Variants in FRAS1 observed in about 807,000 individuals in gnomAD.
The protein encoded by FRAS1 is Fraser extracellular matrix complex subunit 1, also known as extracellular matrix organizing protein FRAS1.
Under a neutral mutation model 435.2 loss-of-function variants are expected in FRAS1, and 290 were observed. That is an observed-to-expected ratio of 0.67 (90% CI 0.61 to 0.73). The LOEUF is 0.73. FRAS1 is among the 30% of genes least tolerant of loss of function. The pLI, the probability that FRAS1 is intolerant of heterozygous loss-of-function variation, is 0.00. For synonymous variants in FRAS1, 1,800 were observed against 1,851.0 expected, an observed-to-expected ratio of 0.97 and a Z score of 0.71; for missense variants, 4,860 against 5,001.5, an observed-to-expected ratio of 0.97 and a Z score of 0.85.
At chr4:78,354,242 A>G (rs1337923436) in intron 20 of FRAS1, among the ~76,000 whole-genome samples, 2 of 152,190 alleles carry the variant, frequency 1.3e-5, no homozygotes, top group African/African-American at 2.4e-5. Flanking sequence ...CTGGGTAGAA[A>G]TCACTGCCCT....
intron 25 of FRAS1, among the ~76,000 whole-genome samples, chr4:78,374,600 A>G (rs1731683360): frequency 6.6e-6 from 1 of 152,222 alleles, no homozygotes; most frequent in South Asian, 2.1e-4. Flanking sequence ...TTTAGTGTTT[A>G]GACTAAATGC....
chr4:78,417,922 A>G lies in FRAS1; in HGVS notation c.4426-1027A>G, dbSNP rs184429461. Among the ~76,000 whole-genome samples the G allele has an allele frequency of 2.9e-3, 442 of 152,326 alleles. 1 individual carries two copies. The highest frequency in any genetic ancestry group is 1.0e-2 in the African/African-American group (414 of 41,582). On this transcript the variant is annotated intron_variant, in intron 32 of 73. Coordinates refer to ENST00000512123, the MANE Select transcript of FRAS1 (RefSeq NM_025074.7). ...GCTGGATGTTTTTGTTCTGTTTTAC[A>G]ACAGCATGCCTGACCCAGGCGAGGG...
At chr4:78,098,104 A>C (rs1349086165) in intron 2 of FRAS1, among the ~76,000 whole-genome samples, 2 of 152,168 alleles carry the variant, frequency 1.3e-5, no homozygotes, top group African/African-American at 4.8e-5. Context: ...CAAGGATCAT[A>C]TAGTGTGGAA....
intron 14 of FRAS1, among the ~76,000 whole-genome samples, chr4:78,306,133 G>A (rs1728699248): frequency 6.6e-6 from 1 of 151,990 alleles, no homozygotes; most frequent in Non-Finnish European, 1.5e-5. Flanking sequence ...GGTTAGTTTG[G>A]CTAGATATGA....
At chr4:78,324,684 T>C (rs1201925420) in intron 18 of FRAS1, among the ~76,000 whole-genome samples, 1 of 151,502 alleles carries the variant, frequency 6.6e-6, no homozygotes, top group Non-Finnish European at 1.5e-5. Flanking sequence ...ATTTACTTAC[T>C]TTCTTTTTAT....
At chr4:78,412,881 A>G (rs1357782863) in intron 31 of FRAS1, 88 bp from the exon 32 acceptor site, 1 of 615,574 alleles carries the variant, frequency 1.6e-6, no homozygotes, top group Non-Finnish European at 2.8e-6. Flanking sequence ...ATTCAAAGAC[A>G]GCTGGCTTAA....
chr4:78,431,375 G>C (rs1268632559), intron 37 of FRAS1, among the ~76,000 whole-genome samples: 3 of 152,182 alleles, frequency 2.0e-5, no homozygotes, highest in Non-Finnish European at 4.4e-5. Flanking sequence ...TATATGTGCA[G>C]TTAACATATA....
In FRAS1 at chr4:78,477,877, G is replaced by A; in HGVS notation, c.7914G>A (p.Val2638=). The A allele has an allele frequency of 6.2e-7, 1 of 1,613,512 alleles. No individual in the cohort carries two copies. Among genetic ancestry groups the A allele is most frequent in the Non-Finnish European group, 8.5e-7 (1 of 1,179,718 alleles). Residue 2638 remains valine (V), a synonymous_variant, in exon 55 of 74, where the codon GTG becomes GTA. Coordinates refer to ENST00000512123, the MANE Select transcript of FRAS1 (RefSeq NM_025074.7). The part of the protein sequence containing the change: ...SCTIVINDDD[V]FENVESFTVE... ...CCATTGTCATCAACGATGATGACGT[G>A]TTTGAAAATGTTGAGAGTTTCACTG... is the stretch of plus-strand genomic sequence containing the variant.
chr4:78,500,141 G>A (rs987504985), intron 61 of FRAS1, among the ~76,000 whole-genome samples: 3 of 152,094 alleles, frequency 2.0e-5, no homozygotes, highest in Non-Finnish European at 2.9e-5. Context: ...ACCATGCTGG[G>A]CATTTTGGTT....
intron 20 of FRAS1, among the ~76,000 whole-genome samples, chr4:78,342,107 C>T (rs1361153902): frequency 6.6e-6 from 1 of 152,310 alleles, no homozygotes; most frequent in Non-Finnish European, 1.5e-5. Flanking sequence ...GTAATATCCT[C>T]TCCGTGTCCT....
intron 14 of FRAS1, among the ~76,000 whole-genome samples, chr4:78,299,404 A>T (rs887087310): frequency 2.0e-5 from 3 of 152,222 alleles, no homozygotes; most frequent in African/African-American, 7.2e-5. Flanking sequence ...CTCCTGTGTC[A>T]GACCTTTTGT....
At chr4:78,112,298 A>G (rs78734853) in intron 2 of FRAS1, among the ~76,000 whole-genome samples, 1,799 of 152,302 alleles carry the variant, frequency 0.012, 36 homozygotes, top group South Asian at 0.092. Context: ...CATATTGGGA[A>G]CCTGGCTTTT....
chr4:78,356,912 A>T (rs1730880279), intron 20 of FRAS1, among the ~76,000 whole-genome samples: 1 of 152,124 alleles, frequency 6.6e-6, no homozygotes, highest in African/African-American at 2.4e-5. Flanking sequence ...AGAGAGAGAG[A>T]TTCCCAATTG....
intron 47 of FRAS1, among the ~76,000 whole-genome samples, chr4:78,457,999 C>T (rs1719257635): frequency 6.6e-6 from 1 of 152,132 alleles, no homozygotes; most frequent in African/African-American, 2.4e-5. Context: ...CATGACAGCC[C>T]GTGTGGCTTG....
At chr4:78,361,748 T>A (rs550402557) in intron 20 of FRAS1, among the ~76,000 whole-genome samples, 1 of 152,316 alleles carries the variant, frequency 6.6e-6, no homozygotes, top group East Asian at 1.9e-4. Context: ...ACTACAAGCG[T>A]TGAGATGAAA....
intron 2 of FRAS1, among the ~76,000 whole-genome samples, chr4:78,177,325 T>C (rs1721818450): frequency 6.6e-6 from 1 of 152,154 alleles, no homozygotes; most frequent in Non-Finnish European, 1.5e-5. Context: ...AGTACATAGG[T>C]ATTCTTTATG....
intron 2 of FRAS1, among the ~76,000 whole-genome samples, chr4:78,093,711 C>A (rs187473383): frequency 1.2e-4 from 18 of 152,220 alleles, no homozygotes; most frequent in Non-Finnish European, 2.5e-4. Context: ...AAATTAACAT[C>A]TGAAGATACA....
intron 70 of FRAS1, among the ~76,000 whole-genome samples, chr4:78,529,804 C>T (rs1244663365): frequency 6.6e-6 from 1 of 152,148 alleles, no homozygotes; most frequent in East Asian, 1.9e-4. Context: ...AGCAGAAAGG[C>T]ACAAGATTTC....
chr4:78,502,476 T>C (rs1157594569), intron 61 of FRAS1, among the ~76,000 whole-genome samples: 1 of 152,176 alleles, frequency 6.6e-6, no homozygotes, highest in Non-Finnish European at 1.5e-5. Context: ...ATTCTCTTTG[T>C]AGCAATTGTG....
Sources: gnomAD v4.1 joint callset for allele counts (sites outside exome capture counted in the v4.1 genomes callset) on GRCh38, gnomAD v4.1.1 for gene constraint, MANE v1.5 for transcripts, NCBI Gene and HGNC (gene_info 2026-07-23, HGNC 2026-07-21) for gene names.